The following NFAT5 variants were observed in gnomAD, a reference collection of about 807,000 sequenced individuals.
NFAT5 encodes nuclear factor of activated T-cells 5.
NFAT5 carries 31 observed loss-of-function variants against 166.5 expected under a neutral mutation model. That is an observed-to-expected ratio of 0.19 (90% CI 0.14 to 0.25). The LOEUF is 0.25. Ranked by LOEUF, NFAT5 falls within the 10% of genes least tolerant of loss-of-function variation. NFAT5 has a pLI of 1.00. For synonymous variants in NFAT5, 612 were observed against 639.7 expected, an observed-to-expected ratio of 0.96 and a Z score of 0.65; for missense variants, 1,449 against 1,821.8, an observed-to-expected ratio of 0.80 and a Z score of 3.72.
At chr16:69,604,137 A>C (rs563895936) in intron 2 of NFAT5, among the ~76,000 whole-genome samples, 11 of 152,294 alleles carry the variant, frequency 7.2e-5, no homozygotes, top group African/African-American at 2.2e-4. Context: ...TAACTTGTCC[A>C]GGGGCACATA....
intron 2 of NFAT5, among the ~76,000 whole-genome samples, chr16:69,584,578 C>T (rs191639304): frequency 1.1e-4 from 16 of 152,042 alleles, no homozygotes; most frequent in African/African-American, 3.6e-4. Context: ...AATCCACCTG[C>T]CTCGGCCTCC....
At chr16:69,623,699 G>A (rs866715410) in intron 2 of NFAT5, among the ~76,000 whole-genome samples, 1 of 151,810 alleles carries the variant, frequency 6.6e-6, no homozygotes, top group Non-Finnish European at 1.5e-5. Flanking sequence ...TAGAGACAGG[G>A]TTTCTCCATG....
chr16:69,588,076 C>T (rs2032209970), intron 2 of NFAT5, among the ~76,000 whole-genome samples: 1 of 151,350 alleles, frequency 6.6e-6, no homozygotes, highest in Non-Finnish European at 1.5e-5. Context: ...CCTCAGCCCC[C>T]TGGGTAGCTG....
rs147850873 is a variant in NFAT5, at chr16:69,604,667, G to A, written c.128-21736G>A. On this transcript the variant is annotated intron_variant, in intron 2 of 14. Transcript: ENST00000349945. ...GTGCAACCACTACCTCTATCTATCT[G>A]TCTGGTTCAAAGCCATTTTTATCAT... is the stretch of plus-strand genomic sequence containing the variant. Among the ~76,000 whole-genome samples the A allele has an allele frequency of 2.2e-3, 328 of 152,150 alleles. 1 individual carries two copies. Among genetic ancestry groups the A allele is most frequent in the Non-Finnish European group, 2.4e-3 (165 of 67,996 alleles).
At chr16:69,602,143 A>G (rs969457976) in intron 2 of NFAT5, among the ~76,000 whole-genome samples, 1 of 152,066 alleles carries the variant, frequency 6.6e-6, no homozygotes, top group African/African-American at 2.4e-5. Flanking sequence ...CATTGGGAGA[A>G]CTCTATAACT....
At chr16:69,634,850 T>C (rs1225911284) in intron 3 of NFAT5, among the ~76,000 whole-genome samples, 1 of 152,158 alleles carries the variant, frequency 6.6e-6, no homozygotes, top group Non-Finnish European at 1.5e-5. Flanking sequence ...TTGGGAAAGT[T>C]AAATAAATTT....
At chr16:69,632,891 G>A (rs892594454) in intron 3 of NFAT5, among the ~76,000 whole-genome samples, 10 of 152,128 alleles carry the variant, frequency 6.6e-5, no homozygotes, top group African/African-American at 1.9e-4. Context: ...AAGGAAGTCA[G>A]ATCCTAGTTA....
At chr16:69,577,227 A>T (rs1473740918) in intron 2 of NFAT5, among the ~76,000 whole-genome samples, 3 of 152,162 alleles carry the variant, frequency 2.0e-5, no homozygotes, top group Non-Finnish European at 4.4e-5. Flanking sequence ...ACAAACGTCT[A>T]TAAAGGAGGT....
At chr16:69,634,523 C>T (rs2034869337) in intron 3 of NFAT5, among the ~76,000 whole-genome samples, 1 of 152,016 alleles carries the variant, frequency 6.6e-6, no homozygotes, top group African/African-American at 2.4e-5. Flanking sequence ...TCCATCATTG[C>T]ATATATGTAT....
chr16:69,695,039 T>C lies in NFAT5; in HGVS notation c.4415-97T>C. 4.5e-6 allele frequency: 4 copies of C among 895,252 alleles called. No individual in the cohort carries two copies. The South Asian group carries it at 6.8e-5, about 15-fold the overall frequency. The allele number at this position is 895,252 out of a possible 1,614,324, so 55.5% of individuals were successfully genotyped here. ...AATTTTCCCCAACAACTAATAAATATCTTTTCATGAATCTTTACTAATCAG... is the reference window on the plus strand; with the variant it reads ...AATTTTCCCCAACAACTAATAAATACCTTTTCATGAATCTTTACTAATCAG... On this transcript the variant is annotated intron_variant, in intron 13 of 14. Transcript: ENST00000349945.
At position 69,693,888 on chromosome 16, in the gene NFAT5, C is replaced by G; in HGVS notation, c.4063C>G (p.Gln1355Glu). The G allele has an allele frequency of 6.2e-7, 1 of 1,614,238 alleles. No individual in the cohort carries two copies. Among genetic ancestry groups the G allele is most frequent in the Non-Finnish European group, 8.5e-7 (1 of 1,180,042 alleles). ...GAGTCAGTCCACAGTTTCCTCACTT[C>G]AGAACCCAGGTCCTACCCAGTCGGA... ...FQSQSTVSSL[Q>E]NPGPTQSESS... The change falls in exon 13 of 15, where the codon CAG becomes GAG. Residue 1355 changes from glutamine (Q) to glutamate (E), a missense_variant. Transcript: ENST00000349945.
intron 3 of NFAT5, chr16:69,632,209 A>G (rs996524977): frequency 1.1e-4 from 17 of 152,340 alleles, no homozygotes; most frequent in Non-Finnish European, 2.1e-4. Context: ...AGGTGAAGAA[A>G]ATATGTTACT....
chr16:69,568,342 A>ATGTGTGTG lies in NFAT5; in HGVS notation c.74-152_74-151insGTGTGTGT, dbSNP rs1490882720. ...TTTCAAAATGTATGTGTGTATATATATATATGTGTGTGTGTGTGTGTGTGT... is the reference window on the plus strand; with the variant it reads ...TTTCAAAATGTATGTGTGTATATATATGTGTGTGTATATGTGTGTGTGTGTGTGTGTGT... On this transcript the variant is annotated intron_variant, in intron 1 of 14. Transcript: ENST00000349945. Among the ~76,000 whole-genome samples the ATGTGTGTG allele has an allele frequency of 4.4e-3, 212 of 47,920 alleles. 1 individual carries two copies. The highest frequency in any genetic ancestry group is 0.023 in the South Asian group (26 of 1,110). 31.4% of individuals were successfully genotyped at this position (47,920 alleles called of 152,430 possible).
intron 2 of NFAT5, among the ~76,000 whole-genome samples, chr16:69,591,299 G>A (rs1250370165): frequency 2.5e-5 from 3 of 117,936 alleles, no homozygotes; most frequent in Admixed American, 9.5e-5. Flanking sequence ...TCCCCACCCC[G>A]CCCCAGTTTT....
intron 7 of NFAT5, among the ~76,000 whole-genome samples, chr16:69,660,270 A>G (rs546725660): frequency 1.3e-5 from 2 of 152,136 alleles, no homozygotes; most frequent in African/African-American, 4.8e-5. Flanking sequence ...AAATAAAAAA[A>G]TATATATAAT....
rs1230564156 is a variant in NFAT5, at chr16:69,695,241, C to T, written c.4520C>T (p.Thr1507Ile). The T allele has an allele frequency of 7.4e-6, 12 of 1,614,082 alleles. No homozygotes were observed. The highest frequency in any genetic ancestry group is 1.3e-5 in the African/African-American group (1 of 74,936). Residue 1507 changes from threonine to isoleucine, a missense_variant, in exon 14 of 15, where the codon ACA becomes ATA. By Grantham distance (89) the Thr-to-Ile change is moderately conservative. This residue lies in a region of NFAT5 where 891 missense variants were observed against 993.0 expected (regional missense o/e 0.90). Coordinates refer to ENST00000349945, the MANE Select transcript of NFAT5 (RefSeq NM_138713.4). ...PQNEGQPPVT[T>I]LLSQQMPENS... ...AACGAGGGCCAGCCACCTGTGACAA[C>T]ACTTCTTTCTCAGCAAATGCCAGAG...
At chr16:69,695,591 C>G in intron 14 of NFAT5, 2 of 470,562 alleles carry the variant, frequency 4.3e-6, no homozygotes, top group South Asian at 5.8e-5. Context: ...TGCCTGTAAT[C>G]CCAGCACTTT....
chr16:69,635,023 G>GTTTTTTTTTTTTTTT (rs530661389), intron 3 of NFAT5, among the ~76,000 whole-genome samples: 2 of 105,268 alleles, frequency 1.9e-5, no homozygotes, highest in Admixed American at 1.1e-4. Flanking sequence ...TGTTAGTAAA[G>GTTTTTTTTTTTTTTT]TTTTTTTTTT....
At chr16:69,679,130 C>T (rs1181824302) in intron 10 of NFAT5, among the ~76,000 whole-genome samples, 1 of 151,988 alleles carries the variant, frequency 6.6e-6, no homozygotes, top group Non-Finnish European at 1.5e-5. Context: ...AGGGTTTTGC[C>T]ATGTTGGCCA....
Sources: allele counts gnomAD v4.1 joint callset (sites outside exome capture counted in the v4.1 genomes callset), GRCh38; gene constraint gnomAD v4.1.1; regional missense constraint gnomAD v4.1.1; transcripts MANE v1.5; gene names NCBI Gene and HGNC (gene_info 2026-07-23, HGNC 2026-07-21).